Variants in NRCAM observed in about 807,000 individuals in gnomAD.
The protein encoded by NRCAM is neuronal cell adhesion molecule.
In NRCAM, 83 loss-of-function variants were observed where a neutral mutation model predicts 156.5. The observed-to-expected ratio is 0.53, with a 90% CI of 0.44 to 0.64. NRCAM has a LOEUF of 0.64. NRCAM is among the 30% of genes least tolerant of loss of function. The pLI is 0.00. For synonymous variants in NRCAM, 538 were observed against 563.9 expected (o/e 0.95, Z 0.65); for missense variants, 1,417 against 1,597.3 (o/e 0.89, Z 1.92).
chr7:108,170,543 T>C (rs777351631), intron 28 of NRCAM, among the ~76,000 whole-genome samples: 1 of 152,186 alleles, frequency 6.6e-6, no homozygotes, highest in Non-Finnish European at 1.5e-5. Flanking sequence ...ACCTATGACC[T>C]AGAAACTCCC....
At chr7:108,185,735 GAA>G (rs34028548) in intron 20 of NRCAM, among the ~76,000 whole-genome samples, 3 of 128,490 alleles carry the variant, frequency 2.3e-5, no homozygotes, top group African/African-American at 6.0e-5. Flanking sequence ...AGAGAGAGAG[GAA>G]AAAAAAAAAA....
At chr7:108,251,349 C>A (rs1005725335) in intron 3 of NRCAM, among the ~76,000 whole-genome samples, 1 of 152,080 alleles carries the variant, frequency 6.6e-6, no homozygotes, top group Admixed American at 6.5e-5. Context: ...AAAATACTTA[C>A]AAAAATAATT....
chr7:108,207,834 G>T (rs2081977047), intron 12 of NRCAM, among the ~76,000 whole-genome samples, 175 bp from the exon 13 acceptor site: 1 of 152,090 alleles, frequency 6.6e-6, no homozygotes, highest in African/African-American at 2.4e-5. Context: ...GATTTTCAAA[G>T]AATGTTTAAA....
At chr7:108,150,941 G>GT (rs1407625750) in intron 32 of NRCAM, among the ~76,000 whole-genome samples, 1 of 152,094 alleles carries the variant, frequency 6.6e-6, no homozygotes, top group Non-Finnish European at 1.5e-5. Flanking sequence ...CTCCAAACAT[G>GT]TAATAGCAAA....
At chr7:108,346,707 G>T (rs1205175181) in intron 2 of NRCAM, among the ~76,000 whole-genome samples, 5 of 152,102 alleles carry the variant, frequency 3.3e-5, no homozygotes, top group African/African-American at 9.7e-5. Flanking sequence ...TGGAGCCAGG[G>T]TACAGACAGG....
intron 30 of NRCAM, 54 bp from the exon 31 acceptor site, chr7:108,160,546 T>C (rs2048281897): frequency 6.5e-7 from 1 of 1,540,366 alleles, no homozygotes; most frequent in Non-Finnish European, 8.8e-7. Flanking sequence ...AGATGGGAAC[T>C]GCTGCAGTCT....
intron 3 of NRCAM, among the ~76,000 whole-genome samples, chr7:108,284,459 G>A (rs59173255): frequency 0.036 from 5,504 of 152,226 alleles, 165 homozygotes; most frequent in South Asian, 0.12. Flanking sequence ...AGCTTCCAGA[G>A]CATCTTTACA....
At chr7:108,379,783 C>T (rs1010126039) in intron 2 of NRCAM, among the ~76,000 whole-genome samples, 2 of 151,674 alleles carry the variant, frequency 1.3e-5, no homozygotes, top group African/African-American at 4.8e-5. Flanking sequence ...TTAGACACAG[C>T]TAAAGAGAGT....
intron 2 of NRCAM, among the ~76,000 whole-genome samples, chr7:108,396,775 A>T (rs1278935091): frequency 6.6e-6 from 1 of 152,228 alleles, no homozygotes; most frequent in Non-Finnish European, 1.5e-5. Context: ...TCCTGTGCCT[A>T]AAAGTGTTGG....
chr7:108,293,858 A>C (rs1186747579), intron 3 of NRCAM, among the ~76,000 whole-genome samples: 1 of 152,140 alleles, frequency 6.6e-6, no homozygotes, highest in Admixed American at 6.6e-5. Context: ...GCTTGATTTC[A>C]GGTCTTCTAA....
chr7:108,359,176 T>C (rs2099530986), intron 2 of NRCAM, among the ~76,000 whole-genome samples: 2 of 152,166 alleles, frequency 1.3e-5, no homozygotes, highest in Admixed American at 1.3e-4. Flanking sequence ...CATTCATCCA[T>C]CCATCCATTT....
chr7:108,234,719 A>C (rs750621723), intron 5 of NRCAM, 31 bp from the exon 6 acceptor site: 6 of 1,475,596 alleles, frequency 4.1e-6, no homozygotes, highest in Non-Finnish European at 5.7e-6. Context: ...AATGTAAAAA[A>C]ACAAATTATT....
rs71522858 is a variant in NRCAM at position 108,201,176 on chromosome 7, T to TAA, written c.1208-3079_1208-3078dup. On this transcript the variant is annotated intron_variant, in intron 13 of 32. Coordinates refer to ENST00000379028, the MANE Select transcript of NRCAM (RefSeq NM_001037132.4). ...AAACAAACTAAATTTTTAAGGTCGG[T>TAA]AAAAAAAAAAAAAAAAGAAAAAGAT... is the stretch of plus-strand genomic sequence containing the variant. Among the ~76,000 whole-genome samples, 961 of 130,620 alleles carry TAA rather than the reference T, an allele frequency of 7.4e-3. 17 individuals carry two copies. The highest frequency in any genetic ancestry group is 0.024 in the African/African-American group (851 of 36,158). The allele number at this position is 130,620 out of a possible 152,430, so 85.7% of individuals were successfully genotyped here.
At chr7:108,359,359 C>T (rs1375176408) in intron 2 of NRCAM, among the ~76,000 whole-genome samples, 1 of 152,106 alleles carries the variant, frequency 6.6e-6, no homozygotes, top group Non-Finnish European at 1.5e-5. Context: ...AGTCAAGAGT[C>T]CCATAAAAGA....
chr7:108,308,847 T>G (rs1158175145), intron 3 of NRCAM, among the ~76,000 whole-genome samples: 1 of 152,194 alleles, frequency 6.6e-6, no homozygotes, highest in East Asian at 1.9e-4. Flanking sequence ...GAGGACAGGA[T>G]GCAAGAGGCA....
intron 11 of NRCAM, among the ~76,000 whole-genome samples, chr7:108,218,473 C>A (rs1467207105): frequency 6.6e-6 from 1 of 152,010 alleles, no homozygotes; most frequent in Non-Finnish European, 1.5e-5. Context: ...AAATGAGCCT[C>A]AATAAATTTA....
intron 8 of NRCAM, among the ~76,000 whole-genome samples, chr7:108,229,671 G>C (rs1047890176): frequency 1.3e-4 from 20 of 152,130 alleles, no homozygotes; most frequent in Non-Finnish European, 2.9e-5. Flanking sequence ...GCTGATCATA[G>C]CCTGGAATCC....
At chr7:108,162,876 C>T (rs1001326841) in intron 30 of NRCAM, among the ~76,000 whole-genome samples, 3 of 152,188 alleles carry the variant, frequency 2.0e-5, no homozygotes, top group African/African-American at 7.2e-5. Flanking sequence ...TTTCTATTGA[C>T]TTTCCATCCA....
chr7:108,283,605 G>A (rs558741995), intron 3 of NRCAM, among the ~76,000 whole-genome samples: 70 of 152,256 alleles, frequency 4.6e-4, no homozygotes, highest in Non-Finnish European at 7.6e-4. Flanking sequence ...CTTCCAGGAG[G>A]GTCCTGAATG....
Sources: gnomAD v4.1 joint callset for allele counts (sites outside exome capture counted in the v4.1 genomes callset) on GRCh38, gnomAD v4.1.1 for gene constraint, MANE v1.5 for transcripts, NCBI Gene and HGNC (gene_info 2026-07-23, HGNC 2026-07-21) for gene names.